Variants in GPR101 observed in about 807,000 individuals in gnomAD.
GPR101 encodes probable G protein-coupled receptor 101.
A neutral mutation model predicts 16.4 loss-of-function variants in GPR101; 8 were observed. The observed-to-expected ratio is 0.49, with a 90% CI of 0.29 to 0.88. The LOEUF (loss-of-function observed/expected upper bound fraction) is 0.88. Among genes scored for constraint, GPR101 ranks in the 40% least tolerant of loss-of-function variants. The probability of loss-of-function intolerance (pLI) is 0.09; values close to 1 mark genes in which losing one functional copy is unlikely to be tolerated. For synonymous variants in GPR101, 155 were observed against 168.7 expected, an observed-to-expected ratio of 0.92 and a Z score of 0.63; for missense variants, 375 against 411.7, an observed-to-expected ratio of 0.91 and a Z score of 0.77.
At position 137,033,933 on chromosome X, in the gene GPR101, G is replaced by C. The variant is rs1465079231; in HGVS notation, c.-224C>G. ...ACGGGGCAGCGGGCGCTGCGGGCGCGGCAGGAGCGGGGCACAGCGTCTGTG... is the reference window on the plus strand; with the variant it reads ...ACGGGGCAGCGGGCGCTGCGGGCGCCGCAGGAGCGGGGCACAGCGTCTGTG... On this transcript the variant is annotated 5_prime_UTR_variant, in exon 1 of 2. Transcript: ENST00000651716. 1.8e-5 allele frequency among the ~76,000 whole-genome samples: 2 copies of C among 111,721 alleles called. No individual in the cohort carries two copies. Among genetic ancestry groups the C allele is most frequent in the Admixed American group, 9.3e-5 (1 of 10,772 alleles).
At chrX:137,032,099 C>T (rs1405108029) in intron 1 of GPR101, among the ~76,000 whole-genome samples, 2 of 111,227 alleles carry the variant, frequency 1.8e-5, no homozygotes, top group African/African-American at 6.6e-5. Flanking sequence ...TGTTTACGAC[C>T]GTCAGTTTCT....
At position 137,025,556 on chromosome X, in the gene GPR101, C is replaced by A. The variant is rs374919280; in HGVS notation, c.*4592G>T. ...TCTTGTTTTTCTCTACATTTTAGAA[C>A]AAGACAGATAGAATAATTATTCCTC... is the stretch of plus-strand genomic sequence containing the variant. On this transcript the variant is annotated 3_prime_UTR_variant, in exon 2 of 2. Transcript: ENST00000651716. Among the ~76,000 whole-genome samples the A allele has an allele frequency of 5.4e-4, 61 of 112,536 alleles. No homozygotes were observed. In the East Asian group the frequency reaches 0.014, roughly 26 times the overall value.
At position 137,031,502 on chromosome X, in the gene GPR101, C is replaced by T. The variant is rs1216767274; in HGVS notation, c.173G>A (p.Arg58His). The stretch of plus-strand genomic sequence containing the variant: ...GGTCACCTGCAGCAGCTGCGGCTTG[C>T]GCTGCAACACTAGCGCCAGCACTAT... ...GNIVLALVLQRKPQLLQVTNR... is the reference protein window; with the variant it reads ...GNIVLALVLQHKPQLLQVTNR... The change falls in exon 2 of 2, where the codon CGC becomes CAC. Residue 58 changes from arginine to histidine, a missense_variant. Coordinates refer to ENST00000651716, the MANE Select transcript of GPR101 (RefSeq NM_054021.2). The T allele has an allele frequency of 5.0e-6, 6 of 1,205,820 alleles. No individual in the cohort carries two copies. In the South Asian group the frequency reaches 7.2e-5, roughly 14 times the overall value.
rs1927131264 is a variant in GPR101 at position 137,023,929 on chromosome X, T to A, written c.*6219A>T. 9.0e-6 allele frequency among the ~76,000 whole-genome samples: 1 copy of A among 111,501 alleles called. No individual in the cohort carries two copies. Among genetic ancestry groups the A allele is most frequent in the South Asian group, 3.7e-4 (1 of 2,674 alleles). On this transcript the variant is annotated 3_prime_UTR_variant, in exon 2 of 2. Transcript: ENST00000651716. Reference sequence around the variant, plus strand: ...CAAGGATCTTGGCATAAAAACCAGATACACACATAAAATTTGACTTTATTT... The same window carrying A: ...CAAGGATCTTGGCATAAAAACCAGAAACACACATAAAATTTGACTTTATTT...
rs112561059 is a variant in GPR101 at position 137,028,445 on chromosome X, G to C, written c.*1703C>G. Among the ~76,000 whole-genome samples the C allele has an allele frequency of 9.0e-3, 1,004 of 111,981 alleles. 9 individuals carry two copies. Among genetic ancestry groups the C allele is most frequent in the African/African-American group, 0.03 (934 of 30,828 alleles). On this transcript the variant is annotated 3_prime_UTR_variant, in exon 2 of 2. Coordinates refer to ENST00000651716, the MANE Select transcript of GPR101 (RefSeq NM_054021.2). ...CTGGGCATTTATTTAAATGAAACTT[G>C]AGTTCTAATAAAGGCATGACAATCA...
Position 137,030,149 on chromosome X carries a change from C to G in GPR101, c.1526G>C (p.Ter509SerextTer2). 1.7e-6 allele frequency: 2 copies of G among 1,171,254 alleles called. No homozygotes were observed. The highest frequency in any genetic ancestry group is 2.3e-6 in the Non-Finnish European group (2 of 876,196). ...TCAAGGTTTGCCTTAGAACTAACTT[C>G]AAGGAAAAGTAGCAGAATCGTAGGA... ...VPSYDSATFP* is the reference protein window; with the variant it reads ...VPSYDSATFPS Residue 509 changes from the stop codon to serine, a stop_lost, in exon 2 of 2, where the codon TGA becomes TCA. Coordinates refer to ENST00000651716, the MANE Select transcript of GPR101 (RefSeq NM_054021.2).
Position 137,024,692 on chromosome X carries a change from TC to T in GPR101, c.*5455del, listed in dbSNP as rs1283980231. Among the ~76,000 whole-genome samples, 1 of 110,906 alleles carries T rather than the reference TC, an allele frequency of 9.0e-6. No homozygotes were observed. Among genetic ancestry groups the T allele is most frequent in the African/African-American group, 3.3e-5 (1 of 30,424 alleles). The stretch of plus-strand genomic sequence containing the variant: ...ATAGAGGAGTCCCACTACCTCTCTA[TC>T]TAGTTAGCCATCCATGCTGTCTCTA... On this transcript the variant is annotated 3_prime_UTR_variant, in exon 2 of 2. Transcript: ENST00000651716.
rs141247039 is a variant in GPR101, at chrX:137,031,509, A to G, written c.166T>C (p.Leu56=). The part of the protein sequence containing the change: ...FVGNIVLALV[L]QRKPQLLQVT... The stretch of plus-strand genomic sequence containing the variant: ...TGCAGCAGCTGCGGCTTGCGCTGCA[A>G]CACTAGCGCCAGCACTATGTTGCCG... The change falls in exon 2 of 2, where the codon TTG becomes CTG. Residue 56 remains leucine, a synonymous_variant. Coordinates refer to ENST00000651716, the MANE Select transcript of GPR101 (RefSeq NM_054021.2). The G allele has an allele frequency of 2.1e-3, 2,490 of 1,207,539 alleles. 41 individuals carry two copies. The African/African-American group carries it at 0.037, about 18-fold the overall frequency.
rs746734554 is a variant in GPR101 at position 137,033,438 on chromosome X, AAAG to A, written c.-93+361_-93+363del. Among the ~76,000 whole-genome samples, 6 of 109,542 alleles carry A rather than the reference AAAG, an allele frequency of 5.5e-5. No homozygotes were observed. In the South Asian group the frequency reaches 2.0e-3, roughly 37 times the overall value. Reference sequence around the variant, plus strand: ...CAACAGAGAGGGAGAAAGAAAGAAAAAAGAAGAAATGGGAGCGTGAGAGTGAGA... The same window carrying A: ...CAACAGAGAGGGAGAAAGAAAGAAAAAAGAAATGGGAGCGTGAGAGTGAGA... On this transcript the variant is annotated intron_variant, in intron 1 of 1. Transcript: ENST00000651716.
intron 1 of GPR101, among the ~76,000 whole-genome samples, chrX:137,033,521 T>A: frequency 2.0e-5 from 2 of 100,003 alleles, no homozygotes; most frequent in Non-Finnish European, 4.1e-5. Context: ...AAGCAAAAAA[T>A]AATAAGAAAA....
chrX:137,030,505 G>C lies in GPR101; in HGVS notation c.1170C>G (p.Pro390=), dbSNP rs773617823. The change falls in exon 2 of 2, where the codon CCC becomes CCG. Residue 390 remains proline (P), a synonymous_variant. Transcript: ENST00000651716. ...RRNSNSNPPL[P]RCYQCKAAKV... ...TAGCAGCTTTGCACTGGTAGCACCT[G>C]GGCAGAGGAGGGTTGCTGTTGCTGT... The C allele has an allele frequency of 1.7e-6, 2 of 1,210,249 alleles. No individual in the cohort carries two copies. The highest frequency in any genetic ancestry group is 2.2e-6 in the Non-Finnish European group (2 of 894,786).
Position 137,030,529 on chromosome X carries a change from G to A in GPR101, c.1146C>T (p.Asn382=). 1 of 1,210,494 alleles carries A rather than the reference G, an allele frequency of 8.3e-7. No homozygotes were observed. The highest frequency in any genetic ancestry group is 1.8e-5 in the South Asian group (1 of 56,633). ...IPESLPPSRR[N]SNSNPPLPRC... is the part of the protein sequence containing the mutation. ...TGGGCAGAGGAGGGTTGCTGTTGCT[G>A]TTACGACGACTGGGTGGGAGGCTCT... is the stretch of plus-strand genomic sequence containing the variant. Residue 382 remains asparagine, a synonymous_variant, in exon 2 of 2, where the codon AAC becomes AAT. Coordinates refer to ENST00000651716, the MANE Select transcript of GPR101 (RefSeq NM_054021.2).
chrX:137,025,104 T>C lies in GPR101; in HGVS notation c.*5044A>G, dbSNP rs1927151307. On this transcript the variant is annotated 3_prime_UTR_variant, in exon 2 of 2. Transcript: ENST00000651716. ...TACCAGAATAAGTCCTCACCTGTCATATATCATATTAGGGATTTAAGGAAT... is the reference window on the plus strand; with the variant it reads ...TACCAGAATAAGTCCTCACCTGTCACATATCATATTAGGGATTTAAGGAAT... 8.9e-6 allele frequency among the ~76,000 whole-genome samples: 1 copy of C among 112,169 alleles called. No individual in the cohort carries two copies. The highest frequency in any genetic ancestry group is 1.9e-5 in the Non-Finnish European group (1 of 53,267).
chrX:137,027,011 A>G lies in GPR101; in HGVS notation c.*3137T>C. On this transcript the variant is annotated 3_prime_UTR_variant, in exon 2 of 2. Coordinates refer to ENST00000651716, the MANE Select transcript of GPR101 (RefSeq NM_054021.2). ...TGAGGCAGGTGAAGGCAGTGGGCTG[A>G]TGGCAAGAGGTAGGCAGGGAGCTGG... 9.2e-6 allele frequency among the ~76,000 whole-genome samples: 1 copy of G among 108,885 alleles called. No homozygotes were observed. The highest frequency in any genetic ancestry group is 4.1e-4 in the South Asian group (1 of 2,443). 94.6% of individuals were successfully genotyped at this position (108,885 alleles called of 115,157 possible).
In GPR101 at chrX:137,029,820, C is replaced by T. The variant is rs1329163599; in HGVS notation, c.*328G>A. ...GCATCATCTTCCCTTTCCTTCAGAG[C>T]TAAAGTTGGCATGTTGTAGCTCTGG... On this transcript the variant is annotated 3_prime_UTR_variant, in exon 2 of 2. Transcript: ENST00000651716. 8.9e-6 allele frequency among the ~76,000 whole-genome samples: 1 copy of T among 112,321 alleles called. No individual in the cohort carries two copies. Among genetic ancestry groups the T allele is most frequent in the African/African-American group, 3.2e-5 (1 of 30,899 alleles).
In GPR101 at chrX:137,030,263, T is replaced by C; in HGVS notation, c.1412A>G (p.Lys471Arg). 1 of 1,211,695 alleles carries C rather than the reference T, an allele frequency of 8.3e-7. No homozygotes were observed. The highest frequency in any genetic ancestry group is 1.1e-6 in the Non-Finnish European group (1 of 895,433). ...CGGGGGCTTTTCCTTGCAGAAGAAC[T>C]TCTTCAGCATGTCCTGGATTTCCTT... ...IKKEIQDMLK[K>R]FFCKEKPPKE... The change falls in exon 2 of 2, where the codon AAG becomes AGG. Residue 471 changes from lysine (K) to arginine (R), a missense_variant. Physicochemically the swap from Lys to Arg is conservative, Grantham distance 26 (BLOSUM62 2). Transcript: ENST00000651716.
At position 137,030,550 on chromosome X, in the gene GPR101, G is replaced by A; in HGVS notation, c.1125C>T (p.Ser375=). Residue 375 remains serine (S), a synonymous_variant, in exon 2 of 2, where the codon AGC becomes AGT. Coordinates refer to ENST00000651716, the MANE Select transcript of GPR101 (RefSeq NM_054021.2). ...DDVEAVNIPE[S]LPPSRRNSNS... is the part of the protein sequence containing the mutation. Reference sequence around the variant, plus strand: ...TGCTGTTACGACGACTGGGTGGGAGGCTCTCCGGGATGTTCACTGCCTCGA... The same window carrying A: ...TGCTGTTACGACGACTGGGTGGGAGACTCTCCGGGATGTTCACTGCCTCGA... 2 of 1,210,781 alleles carry A rather than the reference G, an allele frequency of 1.7e-6. No individual in the cohort carries two copies. Among genetic ancestry groups the A allele is most frequent in the Non-Finnish European group, 2.2e-6 (2 of 895,068 alleles).
rs765014981 is a variant in GPR101 at position 137,029,277 on chromosome X, C to A, written c.*871G>T. Among the ~76,000 whole-genome samples, 3 of 112,140 alleles carry A rather than the reference C, an allele frequency of 2.7e-5. No individual in the cohort carries two copies. The highest frequency in any genetic ancestry group is 5.6e-5 in the Non-Finnish European group (3 of 53,240). ...TTGGCAGAGATCTGAAGAATTCCCACCAGCATCTCAATTCAGTCACATAAG... is the reference window on the plus strand; with the variant it reads ...TTGGCAGAGATCTGAAGAATTCCCAACAGCATCTCAATTCAGTCACATAAG... On this transcript the variant is annotated 3_prime_UTR_variant, in exon 2 of 2. Coordinates refer to ENST00000651716, the MANE Select transcript of GPR101 (RefSeq NM_054021.2).
At position 137,030,176 on chromosome X, in the gene GPR101, G is replaced by C. The variant is rs200141116; in HGVS notation, c.1499C>G (p.Pro500Arg). ...TEGGTEGKIV[P>R]SYDSATFP ...AGGAAAAGTAGCAGAATCGTAGGAA[G>C]GGACAATCTTGCCTTCAGTCCCACC... The change falls in exon 2 of 2, where the codon CCT (proline) becomes CGT (arginine). Residue 500 changes from proline to arginine, a missense_variant. Physicochemically the swap from Pro to Arg is moderately radical, Grantham distance 103 (BLOSUM62 -2). Coordinates refer to ENST00000651716, the MANE Select transcript of GPR101 (RefSeq NM_054021.2). The C allele has an allele frequency of 2.8e-5, 33 of 1,188,028 alleles. No individual in the cohort carries two copies. The South Asian group carries it at 2.9e-4, about 10-fold the overall frequency.
Sources: gnomAD v4.1 joint callset for allele counts (sites outside exome capture counted in the v4.1 genomes callset) on GRCh38, gnomAD v4.1.1 for gene constraint, MANE v1.5 for transcripts, NCBI Gene and HGNC (gene_info 2026-07-23, HGNC 2026-07-21) for gene names.